The following CCDC60 variants were observed in gnomAD, a reference collection of about 807,000 sequenced individuals.
The protein encoded by CCDC60 is coiled-coil domain containing 60.
CCDC60 carries 54 observed loss-of-function variants against 63.5 expected under a neutral mutation model. The observed-to-expected ratio is 0.85, with a 90% confidence interval of 0.68 to 1.07. The LOEUF is 1.07. Ranked by LOEUF, CCDC60 falls within the 50% of genes least tolerant of loss-of-function variation. CCDC60 has a pLI of 0.00. For synonymous variants in CCDC60, 206 were observed against 238.8 expected (o/e 0.86, Z 1.27); for missense variants, 651 against 684.3 (o/e 0.95, Z 0.54).
chr12:119,413,289 A>T (rs960828766), intron 1 of CCDC60, among the ~76,000 whole-genome samples: 7 of 152,178 alleles, frequency 4.6e-5, no homozygotes, highest in Non-Finnish European at 1.0e-4. Flanking sequence ...CATTTCAATC[A>T]AGTGAGAGAA....
chr12:119,355,402 A>G (rs1357715525), intron 1 of CCDC60, among the ~76,000 whole-genome samples: 1 of 152,212 alleles, frequency 6.6e-6, no homozygotes, highest in Non-Finnish European at 1.5e-5. Flanking sequence ...CAGAGCCTTC[A>G]TCATGCAACT....
At chr12:119,355,404 C>G (rs1326076926) in intron 1 of CCDC60, among the ~76,000 whole-genome samples, 1 of 152,220 alleles carries the variant, frequency 6.6e-6, no homozygotes, top group African/African-American at 2.4e-5. Flanking sequence ...GAGCCTTCAT[C>G]ATGCAACTGC....
chr12:119,346,805 TTTCTTTCTTTCTTTCTTTCTTTCTTTC>T (rs1344367924), intron 1 of CCDC60, among the ~76,000 whole-genome samples: 2 of 130,082 alleles, frequency 1.5e-5, no homozygotes, highest in Non-Finnish European at 3.5e-5. Flanking sequence ...TCTTTCTTTC[TTTCTTTCTTTCTTTCTTTCTTTCTTTC>T]TTTTTTTTTT....
rs567568294 is a variant in CCDC60 at position 119,412,432 on chromosome 12, C to G, written c.91-16251C>G. On this transcript the variant is annotated intron_variant, in intron 1 of 13. Transcript: ENST00000327554. ...ACTTGGGGGCTTAACCACCAACACA[C>G]ATCCTTCTTATCAGGACATTGGCAA... 7.4e-4 allele frequency among the ~76,000 whole-genome samples: 113 copies of G among 152,340 alleles called. 1 individual carries two copies. The highest frequency in any genetic ancestry group is 1.5e-3 in the Non-Finnish European group (101 of 68,036).
Position 119,488,745 on chromosome 12 carries a change from C to G in CCDC60, c.450-14C>G. 6.2e-7 allele frequency: 1 copy of G among 1,612,188 alleles called. No homozygotes were observed. The highest frequency in any genetic ancestry group is 1.1e-5 in the South Asian group (1 of 91,044). ...AACAGGATCCCACTGTGTTCCCTCT[C>G]TCTGTCTTTGCAGCGAGCCCCTCTT... On this transcript the variant is annotated splice_polypyrimidine_tract_variant and intron_variant, in intron 4 of 13. Coordinates refer to ENST00000327554, the MANE Select transcript of CCDC60 (RefSeq NM_178499.5).
intron 4 of CCDC60, among the ~76,000 whole-genome samples, chr12:119,479,986 C>T (rs555195793): frequency 1.4e-5 from 2 of 139,152 alleles, no homozygotes; most frequent in African/African-American, 2.7e-5. Flanking sequence ...GAGCCCCCAC[C>T]GTACATCATA....
chr12:119,363,804 C>T (rs1417673932), intron 1 of CCDC60, among the ~76,000 whole-genome samples: 1 of 152,204 alleles, frequency 6.6e-6, no homozygotes, highest in East Asian at 1.9e-4. Flanking sequence ...ATTTTGCTAC[C>T]ATTTTTGAAA....
At chr12:119,539,157 G>A (rs992907499) in intron 13 of CCDC60, among the ~76,000 whole-genome samples, 2 of 152,224 alleles carry the variant, frequency 1.3e-5, no homozygotes, top group Non-Finnish European at 2.9e-5. Context: ...CTCCCAGTCA[G>A]GAGACATGGC....
intron 2 of CCDC60, among the ~76,000 whole-genome samples, chr12:119,467,078 T>C (rs1027534857): frequency 6.6e-5 from 10 of 152,238 alleles, no homozygotes; most frequent in African/African-American, 2.4e-4. Flanking sequence ...AAAGTGGGTA[T>C]AAATATGACT....
At chr12:119,487,290 T>C (rs1403940277) in intron 4 of CCDC60, among the ~76,000 whole-genome samples, 1 of 151,190 alleles carries the variant, frequency 6.6e-6, no homozygotes, top group Non-Finnish European at 1.5e-5. Flanking sequence ...TAAAGGATTG[T>C]TGTGAGCTTT....
At chr12:119,484,416 T>C (rs1454385419) in intron 4 of CCDC60, among the ~76,000 whole-genome samples, 4 of 152,168 alleles carry the variant, frequency 2.6e-5, no homozygotes, top group African/African-American at 9.6e-5. Flanking sequence ...TGGTTCTGTG[T>C]ATAAGAATTG....
rs1256787195 is a variant in CCDC60, at chr12:119,425,055, G to A, written c.91-3628G>A. ...TTGAATGTTGGACATTATCATAGTT[G>A]TTTCATGAAGAAGGTAAAATTTAGG... On this transcript the variant is annotated intron_variant, in intron 1 of 13. Coordinates refer to ENST00000327554, the MANE Select transcript of CCDC60 (RefSeq NM_178499.5). 2.0e-5 allele frequency among the ~76,000 whole-genome samples: 3 copies of A among 152,230 alleles called. No homozygotes were observed. In the East Asian group the frequency reaches 5.8e-4, roughly 29 times the overall value.
intron 2 of CCDC60, among the ~76,000 whole-genome samples, chr12:119,430,227 T>C (rs1950204404): frequency 6.6e-6 from 1 of 151,838 alleles, no homozygotes; most frequent in South Asian, 2.1e-4. Flanking sequence ...CATATTAATA[T>C]GTTGAAACCC....
chr12:119,390,519 G>GTGAA (rs982948778), intron 1 of CCDC60, among the ~76,000 whole-genome samples: 10 of 152,326 alleles, frequency 6.6e-5, no homozygotes, highest in Middle Eastern at 3.4e-3. Context: ...CAGTGAATGG[G>GTGAA]TGAATGAATG....
intron 1 of CCDC60, among the ~76,000 whole-genome samples, chr12:119,352,715 T>TC (rs1955668775): frequency 6.6e-6 from 1 of 152,108 alleles, no homozygotes; most frequent in Non-Finnish European, 1.5e-5. Flanking sequence ...AACAGGTGGA[T>TC]CACTGAAGGT....
intron 1 of CCDC60, among the ~76,000 whole-genome samples, chr12:119,358,440 G>C (rs985734733): frequency 1.3e-5 from 2 of 152,022 alleles, no homozygotes; most frequent in Non-Finnish European, 2.9e-5. Context: ...AAGATGCCAC[G>C]CCAGCCCCTC....
chr12:119,523,939 G>A, intron 11 of CCDC60, 121 bp downstream of exon 11: 2 of 1,038,258 alleles, frequency 1.9e-6, no homozygotes, highest in South Asian at 3.2e-5. Flanking sequence ...TCTGTCCTCA[G>A]GGAGCTCACA....
intron 1 of CCDC60, among the ~76,000 whole-genome samples, chr12:119,398,238 G>A (rs941672147): frequency 1.2e-4 from 18 of 151,750 alleles, no homozygotes; most frequent in African/African-American, 2.7e-4. Flanking sequence ...CGGGCAGGCC[G>A]GCAGTGCTGG....
intron 1 of CCDC60, among the ~76,000 whole-genome samples, chr12:119,392,019 A>G (rs1054664324): frequency 2.0e-5 from 3 of 152,168 alleles, no homozygotes; most frequent in Non-Finnish European, 4.4e-5. Context: ...AGTATTCAGC[A>G]ATCTGTGATT....
Sources: allele counts gnomAD v4.1 joint callset (sites outside exome capture counted in the v4.1 genomes callset), GRCh38; gene constraint gnomAD v4.1.1; transcripts MANE v1.5; gene names NCBI Gene and HGNC (gene_info 2026-07-23, HGNC 2026-07-21).